Variants in CNTN4 observed in about 807,000 individuals in gnomAD.
CNTN4 encodes contactin 4.
CNTN4 carries 77 observed loss-of-function variants against 122.5 expected under a neutral mutation model. The ratio of observed to expected loss-of-function variants is 0.63; its 90% CI spans 0.52 to 0.76. The LOEUF (loss-of-function observed/expected upper bound fraction) is 0.76, where lower values mean the gene tolerates loss of function less well. Ranked by LOEUF, CNTN4 falls within the 30% of genes least tolerant of loss-of-function variation. CNTN4 has a pLI of 0.00. For synonymous variants in CNTN4, 512 were observed against 447.0 expected (o/e 1.15, Z -1.83); for missense variants, 1,256 against 1,259.1 (o/e 1.00, Z 0.04).
chr3:2,803,246 A>G (rs751432548), intron 6 of CNTN4, among the ~76,000 whole-genome samples: 1 of 152,252 alleles, frequency 6.6e-6, no homozygotes, highest in Non-Finnish European at 1.5e-5. Context: ...ATCATTTCAG[A>G]CACCAGATTG....
chr3:2,803,362 T>A (rs963093410), intron 6 of CNTN4, among the ~76,000 whole-genome samples: 1 of 152,200 alleles, frequency 6.6e-6, no homozygotes, highest in Non-Finnish European at 1.5e-5. Context: ...ATTGTGTAAA[T>A]ATCTTGTGAA....
chr3:2,874,786 G>T (rs768781046), intron 8 of CNTN4, among the ~76,000 whole-genome samples: 2 of 152,118 alleles, frequency 1.3e-5, no homozygotes, highest in Non-Finnish European at 2.9e-5. Context: ...GACAATCTAA[G>T]ATAAAATAAA....
chr3:2,927,782 A>G (rs2094486756), intron 13 of CNTN4, among the ~76,000 whole-genome samples: 2 of 152,190 alleles, frequency 1.3e-5, no homozygotes, highest in African/African-American at 4.8e-5. Flanking sequence ...TTTATTTTGC[A>G]CTAAAATATA....
At chr3:2,175,584 C>T (rs902980807) in intron 2 of CNTN4, among the ~76,000 whole-genome samples, 7 of 152,174 alleles carry the variant, frequency 4.6e-5, no homozygotes, top group Non-Finnish European at 1.0e-4. Context: ...AGGTCAGAGA[C>T]AGAGGCTTCT....
chr3:2,369,829 G>A (rs755125575), intron 3 of CNTN4, among the ~76,000 whole-genome samples: 2 of 152,044 alleles, frequency 1.3e-5, no homozygotes, highest in African/African-American at 4.8e-5. Flanking sequence ...AGAACCAGCT[G>A]CCTTTCTTTT....
intron 3 of CNTN4, among the ~76,000 whole-genome samples, chr3:2,429,529 A>G (rs2047978215): frequency 6.6e-6 from 1 of 152,238 alleles, no homozygotes. Context: ...CTTGGAGGTC[A>G]GGGACCCACT....
At chr3:3,036,718 G>C (rs1047742237) in intron 17 of CNTN4, among the ~76,000 whole-genome samples, 3 of 151,484 alleles carry the variant, frequency 2.0e-5, no homozygotes, top group African/African-American at 7.3e-5. Flanking sequence ...AGTGAGCCGA[G>C]ATTGTGCCAC....
intron 13 of CNTN4, among the ~76,000 whole-genome samples, chr3:2,926,669 A>G (rs952000278): frequency 6.6e-6 from 1 of 152,120 alleles, no homozygotes; most frequent in African/African-American, 2.4e-5. Flanking sequence ...GTACGTATCT[A>G]CCCTTTACAC....
At position 2,446,415 on chromosome 3, in the gene CNTN4, A is replaced by G. The variant is rs7650206; in HGVS notation, c.-89+107182A>G. On this transcript the variant is annotated intron_variant, in intron 3 of 24. Coordinates refer to ENST00000418658, the MANE Select transcript of CNTN4 (RefSeq NM_175607.3). ...AGTGTAGAATCTGTTTTTCTCTTCTATAGCCTCCAGAGTTTTAGAGAATTT... is the reference window on the plus strand; with the variant it reads ...AGTGTAGAATCTGTTTTTCTCTTCTGTAGCCTCCAGAGTTTTAGAGAATTT... Among the ~76,000 whole-genome samples the G allele has an allele frequency of 6.1e-3, 922 of 152,224 alleles. 10 individuals carry two copies. The highest frequency in any genetic ancestry group is 0.021 in the African/African-American group (887 of 41,532).
chr3:2,657,574 G>A (rs993732420), intron 4 of CNTN4, among the ~76,000 whole-genome samples: 1 of 152,176 alleles, frequency 6.6e-6, no homozygotes, highest in Non-Finnish European at 1.5e-5. Context: ...AGGGAGCACA[G>A]GAAGTAAATT....
At chr3:2,126,410 T>C (rs1189987119) in intron 2 of CNTN4, among the ~76,000 whole-genome samples, 1 of 152,212 alleles carries the variant, frequency 6.6e-6, no homozygotes, top group Non-Finnish European at 1.5e-5. Context: ...AGTTTCTTTA[T>C]CTGGCACCTT....
In CNTN4 at chr3:2,773,053, G is replaced by A. The variant is rs141723898; in HGVS notation, c.358+27356G>A. ...ACATGGAATTGACTTTTGCCAGAGC[G>A]GTTTCATGGGAGATCTGAGGCCAGT... On this transcript the variant is annotated intron_variant, in intron 6 of 24. Transcript: ENST00000418658. 1.3e-3 allele frequency among the ~76,000 whole-genome samples: 196 copies of A among 152,260 alleles called. 1 individual carries two copies. Among genetic ancestry groups the A allele is most frequent in the African/African-American group, 4.5e-3 (186 of 41,556 alleles).
chr3:2,528,331 G>A (rs866590547), intron 3 of CNTN4, among the ~76,000 whole-genome samples: 1 of 152,024 alleles, frequency 6.6e-6, no homozygotes, highest in South Asian at 2.1e-4. Context: ...GATTTTGATT[G>A]TGTATTATCT....
At chr3:2,929,984 T>C (rs1242023627) in intron 13 of CNTN4, among the ~76,000 whole-genome samples, 1 of 152,184 alleles carries the variant, frequency 6.6e-6, no homozygotes, top group African/African-American at 2.4e-5. Flanking sequence ...GCCCACATCC[T>C]TCCCTGGTTA....
rs149111246 is a variant in CNTN4, at chr3:3,038,350, A to G, written c.2093-583A>G. The stretch of plus-strand genomic sequence containing the variant: ...GTTAAGCTCAGTGAGCCGGGGGTCA[A>G]CTTCTGTCTGCCACTTCCTTCAACA... On this transcript the variant is annotated intron_variant, in intron 18 of 24. Transcript: ENST00000418658. Among the ~76,000 whole-genome samples the G allele has an allele frequency of 1.9e-3, 295 of 152,226 alleles. 2 individuals carry two copies. The highest frequency in any genetic ancestry group is 6.6e-3 in the African/African-American group (275 of 41,552).
At position 2,341,814 on chromosome 3, in the gene CNTN4, T is replaced by G. The variant is rs1439109369; in HGVS notation, c.-89+2581T>G. 2.6e-5 allele frequency among the ~76,000 whole-genome samples: 4 copies of G among 152,242 alleles called. No homozygotes were observed. The East Asian group carries it at 7.7e-4, about 29-fold the overall frequency. ...ATTTTACATAAAATGATTTTTTAAA[T>G]TCTCCTAAAAGAAATCATAATAACT... On this transcript the variant is annotated intron_variant, in intron 3 of 24. Coordinates refer to ENST00000418658, the MANE Select transcript of CNTN4 (RefSeq NM_175607.3).
chr3:2,480,565 T>C (rs2075962421), intron 3 of CNTN4, among the ~76,000 whole-genome samples: 1 of 152,308 alleles, frequency 6.6e-6, no homozygotes, highest in Admixed American at 6.5e-5. Context: ...TCACAAAATA[T>C]GTACGAGGTC....
At chr3:2,426,744 C>G (rs1342742056) in intron 3 of CNTN4, among the ~76,000 whole-genome samples, 1 of 152,174 alleles carries the variant, frequency 6.6e-6, no homozygotes, top group African/African-American at 2.4e-5. Context: ...GCCTCAATTT[C>G]AGTGGCTGTT....
chr3:3,044,993 C>A (rs1302230928), intron 23 of CNTN4, among the ~76,000 whole-genome samples: 1 of 152,186 alleles, frequency 6.6e-6, no homozygotes, highest in Non-Finnish European at 1.5e-5. Context: ...CAGAGGGTCC[C>A]ATGCCCGGCT....
Sources: gnomAD v4.1 joint callset for allele counts (sites outside exome capture counted in the v4.1 genomes callset) on GRCh38, gnomAD v4.1.1 for gene constraint, MANE v1.5 for transcripts, NCBI Gene and HGNC (gene_info 2026-07-23, HGNC 2026-07-21) for gene names.